The following EPHA6 variants were observed in gnomAD, a reference collection of about 807,000 sequenced individuals.
The protein encoded by EPHA6 is EPH receptor A6.
EPHA6 carries 50 observed loss-of-function variants against 112.0 expected under a neutral mutation model. That is an observed-to-expected ratio of 0.45 (90% CI 0.36 to 0.56). The LOEUF (loss-of-function observed/expected upper bound fraction) is 0.56. Ranked by LOEUF, EPHA6 falls within the 20% of genes least tolerant of loss-of-function variation. The pLI, the probability that EPHA6 is intolerant of heterozygous loss-of-function variation, is 0.00. For missense variants in EPHA6, 1,280 were observed against 1,417.4 expected (o/e 0.90, Z 1.56); for synonymous variants, 529 against 490.7 (o/e 1.08, Z -1.03).
At chr3:97,021,379 T>C (rs1237698807) in intron 3 of EPHA6, among the ~76,000 whole-genome samples, 1 of 152,092 alleles carries the variant, frequency 6.6e-6, no homozygotes, top group African/African-American at 2.4e-5. Flanking sequence ...ATCTCCAACA[T>C]TGGCCTTACT....
chr3:97,354,110 C>G (rs1484093093), intron 5 of EPHA6, among the ~76,000 whole-genome samples: 1 of 152,086 alleles, frequency 6.6e-6, no homozygotes, highest in Non-Finnish European at 1.5e-5. Context: ...TTGCAGTAAC[C>G]AAAGATTTAG....
At chr3:96,910,778 C>T (rs1294172006) in intron 2 of EPHA6, among the ~76,000 whole-genome samples, 1 of 152,004 alleles carries the variant, frequency 6.6e-6, no homozygotes, top group Non-Finnish European at 1.5e-5. Flanking sequence ...GTTATATCCC[C>T]TTAACCTCCA....
intron 2 of EPHA6, among the ~76,000 whole-genome samples, chr3:96,941,596 C>T (rs1298164507): frequency 6.6e-6 from 1 of 152,236 alleles, no homozygotes; most frequent in Non-Finnish European, 1.5e-5. Context: ...CTTCTCTCAA[C>T]TCGTCAAAGT....
intron 3 of EPHA6, among the ~76,000 whole-genome samples, chr3:97,054,157 C>T (rs963402854): frequency 2.1e-5 from 3 of 140,390 alleles, no homozygotes; most frequent in East Asian, 4.1e-4. Flanking sequence ...TCTGACATAA[C>T]TATCTAACAC....
chr3:97,560,845 G>A (rs760947950), intron 11 of EPHA6, among the ~76,000 whole-genome samples: 11 of 151,970 alleles, frequency 7.2e-5, no homozygotes, highest in Non-Finnish European at 2.9e-5. Context: ...ACATTGCATT[G>A]AGCAAATCTA....
intron 5 of EPHA6, among the ~76,000 whole-genome samples, chr3:97,309,863 A>C (rs764044318): frequency 6.6e-6 from 1 of 151,712 alleles, no homozygotes; most frequent in African/African-American, 2.4e-5. Context: ...CAATAAAACA[A>C]AATTAGAAGA....
rs114901394 is a variant in EPHA6, at chr3:97,531,127, A to T, written c.2201-1231A>T. 3.7e-3 allele frequency among the ~76,000 whole-genome samples: 557 copies of T among 152,122 alleles called. 7 individuals are homozygous for T. Among genetic ancestry groups the T allele is most frequent in the African/African-American group, 0.013 (538 of 41,544 alleles). ...ACAGTTTGTAAGCATTTTGACATAA[A>T]TTGTCACTTTTGATCTTCCCAATAT... On this transcript the variant is annotated intron_variant, in intron 10 of 17. Coordinates refer to ENST00000389672, the MANE Select transcript of EPHA6 (RefSeq NM_001080448.3).
At position 97,244,199 on chromosome 3, in the gene EPHA6, C is replaced by A. The variant is rs1366774853; in HGVS notation, c.1518C>A (p.Thr506=). 1 of 1,613,174 alleles carries A rather than the reference C, an allele frequency of 6.2e-7. No individual in the cohort carries two copies. Among genetic ancestry groups the A allele is most frequent in the Non-Finnish European group, 8.5e-7 (1 of 1,179,390 alleles). The part of the protein sequence containing the change: ...VLDFVSHVNY[T]FEIEAMNGVS... The stretch of plus-strand genomic sequence containing the variant: ...ACTTTGTGTCTCACGTGAATTACAC[C>A]TTTGAAATAGAAGCAATGAATGGAG... The change falls in exon 5 of 18, where the codon ACC becomes ACA. Residue 506 remains threonine, a synonymous_variant. Transcript: ENST00000389672.
chr3:97,636,899 T>G (rs981548081), intron 13 of EPHA6, among the ~76,000 whole-genome samples: 1 of 152,150 alleles, frequency 6.6e-6, no homozygotes, highest in African/African-American at 2.4e-5. Context: ...AAAAAGAATT[T>G]TTCATGTTGC....
chr3:97,722,465 C>A (rs1391306959), intron 15 of EPHA6, among the ~76,000 whole-genome samples: 1 of 152,070 alleles, frequency 6.6e-6, no homozygotes. Flanking sequence ...TATTAATGCT[C>A]TTAGAAAATA....
chr3:97,265,640 G>A (rs1235302398), intron 5 of EPHA6, among the ~76,000 whole-genome samples: 1 of 152,294 alleles, frequency 6.6e-6, no homozygotes, highest in South Asian at 2.1e-4. Context: ...GCACAGAGAA[G>A]CCCGGGTCCT....
At chr3:97,240,757 AAG>A (rs1222988530) in intron 4 of EPHA6, among the ~76,000 whole-genome samples, 8 of 151,850 alleles carry the variant, frequency 5.3e-5, no homozygotes, top group Non-Finnish European at 7.4e-5. Context: ...CTTGGAAAAT[AAG>A]ATTCTATGAA....
intron 10 of EPHA6, among the ~76,000 whole-genome samples, chr3:97,503,005 A>G (rs1037824876): frequency 5.3e-5 from 8 of 151,948 alleles, no homozygotes; most frequent in African/African-American, 1.9e-4. Context: ...CAAGAAAAAT[A>G]TAAGGTATAA....
At position 97,226,300 on chromosome 3, in the gene EPHA6, A is replaced by G. The variant is rs1277504606; in HGVS notation, c.1151A>G (p.Asn384Ser). Residue 384 changes from asparagine (N) to serine (S), a missense_variant, in exon 4 of 18, where the codon AAC becomes AGC. This residue lies in a region of EPHA6 where 878 missense variants were observed against 999.7 expected (regional missense o/e 0.88). Transcript: ENST00000389672. ...RPGFYKAFAG[N>S]TKCSKCPPHS... The stretch of plus-strand genomic sequence containing the variant: ...GGATTCTATAAAGCTTTTGCTGGGA[A>G]CACAAAATGTTCTAAATGTCCTCCA... 6 of 1,612,198 alleles carry G rather than the reference A, an allele frequency of 3.7e-6. No homozygotes were observed. In the South Asian group the frequency reaches 5.5e-5, roughly 15 times the overall value.
chr3:97,120,066 A>C (rs1255982290), intron 3 of EPHA6, among the ~76,000 whole-genome samples: 1 of 151,974 alleles, frequency 6.6e-6, no homozygotes, highest in Admixed American at 6.6e-5. Flanking sequence ...ACTTGAACTA[A>C]AGTAGTTAGT....
chr3:96,866,927 G>C (rs376073893), intron 2 of EPHA6, 38 bp downstream of exon 2: 223 of 1,221,536 alleles, frequency 1.8e-4, no homozygotes, highest in Non-Finnish European at 2.4e-4. Flanking sequence ...GTCTTTTTTA[G>C]ATTTTTAAGA....
chr3:97,607,194 A>T (rs1213226675), intron 12 of EPHA6, among the ~76,000 whole-genome samples: 1 of 150,366 alleles, frequency 6.7e-6, no homozygotes, highest in Non-Finnish European at 1.5e-5. Context: ...CAAAAAAAAA[A>T]AAAAAACACA....
At chr3:97,392,733 G>A (rs1310625819) in intron 5 of EPHA6, among the ~76,000 whole-genome samples, 5 of 151,288 alleles carry the variant, frequency 3.3e-5, no homozygotes, top group Admixed American at 6.6e-5. Context: ...CTTCCTTTCC[G>A]TAATATTAGT....
At position 97,755,073 on chromosome 3, in the gene EPHA6, C is replaced by T. The variant is rs2035994904; in HGVS notation, c.*6372C>T. On this transcript the variant is annotated 3_prime_UTR_variant, in exon 18 of 18. Coordinates refer to ENST00000389672, the MANE Select transcript of EPHA6 (RefSeq NM_001080448.3). ...CTTTCACACTGATTAATCAAAGTAA[C>T]AAATCTCTACATCATTAAGAGAACT... Among the ~76,000 whole-genome samples the T allele has an allele frequency of 2.0e-5, 3 of 152,144 alleles. No individual in the cohort carries two copies. The South Asian group carries it at 6.2e-4, about 31-fold the overall frequency.
Sources: gnomAD v4.1 joint callset for allele counts (sites outside exome capture counted in the v4.1 genomes callset) on GRCh38, gnomAD v4.1.1 for gene constraint, gnomAD v4.1.1 regional missense constraint, MANE v1.5 for transcripts, NCBI Gene and HGNC (gene_info 2026-07-23, HGNC 2026-07-21) for gene names.